CENPC: variants seen among roughly 807,000 people sequenced by gnomAD.
The protein encoded by CENPC is CENP-C 1.
CENPC carries 63 observed loss-of-function variants against 112.1 expected under a neutral mutation model. The observed-to-expected ratio is 0.56, with a 90% CI of 0.46 to 0.69. The LOEUF (loss-of-function observed/expected upper bound fraction) is 0.69. CENPC is among the 30% of genes least tolerant of loss of function. The pLI is 0.00. For synonymous variants in CENPC, 333 were observed against 367.6 expected (o/e 0.91, Z 1.08); for missense variants, 1,000 against 1,103.8 (o/e 0.91, Z 1.33).
intron 2 of CENPC, among the ~76,000 whole-genome samples, chr4:67,542,130 T>C (rs549082930): frequency 2.6e-5 from 4 of 152,314 alleles, no homozygotes; most frequent in African/African-American, 9.6e-5. Flanking sequence ...AAAATTGACA[T>C]GCATCTCTAA....
Position 67,491,454 on chromosome 4 carries a change from T to G in CENPC, c.2515+726A>C, listed in dbSNP as rs1356021316. On this transcript the variant is annotated intron_variant, in intron 16 of 18. Coordinates refer to ENST00000273853, the MANE Select transcript of CENPC (RefSeq NM_001812.4). ...AATATATTTAAATATTTCATATATA[T>G]ATATATATATATATATATATATATA... Among the ~76,000 whole-genome samples, 186 of 29,634 alleles carry G rather than the reference T, an allele frequency of 6.3e-3. 5 individuals are homozygous for G. Among genetic ancestry groups the G allele is most frequent in the South Asian group, 0.02 (15 of 768 alleles). 19.4% of individuals were successfully genotyped at this position (29,634 alleles called of 152,430 possible).
At chr4:67,503,113 A>T (rs1358238849) in intron 12 of CENPC, among the ~76,000 whole-genome samples, 1 of 152,102 alleles carries the variant, frequency 6.6e-6, no homozygotes, top group African/African-American at 2.4e-5. Context: ...ATGGCTTCCC[A>T]TCGCTCTTAG....
rs765726374 is a variant in CENPC, at chr4:67,470,191, G to C, written c.*2414C>G. 6.6e-6 allele frequency: 1 copy of C among 152,162 alleles called. No homozygotes were observed. Among genetic ancestry groups the C allele is most frequent in the African/African-American group, 2.4e-5 (1 of 41,426 alleles). The allele number at this position is 152,162 out of a possible 1,614,324, so 9.4% of individuals were successfully genotyped here. ...AAGCCTATGAGCTGAACAGAGTACA[G>C]AGGTGGCAAAAATCAGACGTGGCTC... On this transcript the variant is annotated 3_prime_UTR_variant, in exon 19 of 19. Coordinates refer to ENST00000273853, the MANE Select transcript of CENPC (RefSeq NM_001812.4).
Position 67,493,987 on chromosome 4 carries a change from T to C in CENPC, c.2187A>G (p.Val729=), listed in dbSNP as rs1396600155. 1 of 1,603,618 alleles carries C rather than the reference T, an allele frequency of 6.2e-7. No individual in the cohort carries two copies. Among genetic ancestry groups the C allele is most frequent in the Non-Finnish European group, 8.5e-7 (1 of 1,174,032 alleles). The stretch of plus-strand genomic sequence containing the variant: ...GAACATTTGGTGTGTTGGAGGGCAA[T>C]ACTATAAAAAGATGTCAGACAAAAG... ...IPKNRIHHKL[V]LPSNTPNVRR... The change falls in exon 14 of 19, where the codon GTA becomes GTG. Residue 729 remains valine (V), a splice_region_variant and synonymous_variant. Coordinates refer to ENST00000273853, the MANE Select transcript of CENPC (RefSeq NM_001812.4).
At chr4:67,483,724 G>A (rs554512789) in intron 17 of CENPC, among the ~76,000 whole-genome samples, 11 of 152,060 alleles carry the variant, frequency 7.2e-5, no homozygotes, top group African/African-American at 2.7e-4. Flanking sequence ...CTAATCTTGT[G>A]TAGCCCAAGG....
At position 67,519,327 on chromosome 4, in the gene CENPC, T is replaced by C; in HGVS notation, c.507A>G (p.Val169=). Reference sequence around the variant, plus strand: ...CACTAGATGGAATAACATTTTGTGATACAGATGTTTTTGCATCCAAAAGAA... The same window carrying C: ...CACTAGATGGAATAACATTTTGTGACACAGATGTTTTTGCATCCAAAAGAA... The part of the protein sequence containing the change: ...PSVLLDAKTS[V]SQNVIPSSAQ... The change falls in exon 6 of 19, where the codon GTA becomes GTG. Residue 169 remains valine (V), a synonymous_variant. Transcript: ENST00000273853. 3 of 1,612,918 alleles carry C rather than the reference T, an allele frequency of 1.9e-6. No individual in the cohort carries two copies. The South Asian group carries it at 3.3e-5, about 18-fold the overall frequency.
chr4:67,508,843 C>G lies in CENPC; in HGVS notation c.1875G>C (p.Leu625Phe), dbSNP rs955113985. The change falls in exon 10 of 19, where the codon TTG (leucine) becomes TTC (phenylalanine). Residue 625 changes from leucine to phenylalanine, a missense_variant. Transcript: ENST00000273853. ...AACAATCAAGATTTTTCTTCTTAGC[C>G]AAGTCTGCCTCATCACTTTCCAATG... ...SEPLESDEADLAKKKNLDCSR... is the reference protein window; with the variant it reads ...SEPLESDEADFAKKKNLDCSR... The G allele has an allele frequency of 6.2e-7, 1 of 1,613,220 alleles. No individual in the cohort carries two copies. Among genetic ancestry groups the G allele is most frequent in the African/African-American group, 1.3e-5 (1 of 74,854 alleles).
intron 4 of CENPC, among the ~76,000 whole-genome samples, chr4:67,532,101 C>G (rs935717275): frequency 4.6e-5 from 7 of 152,192 alleles, no homozygotes; most frequent in Admixed American, 1.3e-4. Flanking sequence ...TGAACAGACA[C>G]TTCTCAAAAG....
rs1156751536 is a variant in CENPC, at chr4:67,508,896, C to A, written c.1822G>T (p.Glu608Ter). ...TCACTCAGCGAACATCTGGAAATTT[C>A]ATCATGACCAACGATACCTCCAGAA... is the stretch of plus-strand genomic sequence containing the variant. ...EGSGGIVGHD[E>*]ISRCSLSEPL... The change falls in exon 10 of 19, where the codon GAA (glutamate) becomes TAA (stop). Residue 608 changes from glutamate (E) to a stop codon, truncating the protein, a stop_gained. Transcript: ENST00000273853. LOFTEE classifies it high-confidence loss of function. The A allele has an allele frequency of 6.2e-7, 1 of 1,613,720 alleles. No individual in the cohort carries two copies. The highest frequency in any genetic ancestry group is 1.1e-5 in the South Asian group (1 of 91,078).
intron 17 of CENPC, among the ~76,000 whole-genome samples, chr4:67,486,014 A>G (rs1725084471): frequency 2.0e-5 from 3 of 152,206 alleles, no homozygotes; most frequent in Non-Finnish European, 1.5e-5. Flanking sequence ...AGGTATTTTT[A>G]TAACTTAATA....
At chr4:67,521,606 T>C (rs890728416) in intron 5 of CENPC, among the ~76,000 whole-genome samples, 4 of 152,220 alleles carry the variant, frequency 2.6e-5, no homozygotes, top group African/African-American at 9.6e-5. Context: ...TGACAGTCAC[T>C]ATGAAAAGTG....
At chr4:67,513,436 T>G (rs1173415866) in intron 8 of CENPC, among the ~76,000 whole-genome samples, 1 of 152,208 alleles carries the variant, frequency 6.6e-6, no homozygotes, top group Non-Finnish European at 1.5e-5. Context: ...ATATAGCAGG[T>G]ACTCAGAAAA....
intron 5 of CENPC, among the ~76,000 whole-genome samples, chr4:67,529,035 C>T (rs531775786): frequency 6.6e-6 from 1 of 152,128 alleles, no homozygotes; most frequent in East Asian, 1.9e-4. Flanking sequence ...GTGGTATCTC[C>T]CTAGGGTCTT....
chr4:67,473,563 T>G (rs2109756102), intron 18 of CENPC, among the ~76,000 whole-genome samples: 1 of 152,282 alleles, frequency 6.6e-6, no homozygotes, highest in South Asian at 2.1e-4. Flanking sequence ...TGTTTTGTTT[T>G]TGTTTTTGAG....
At chr4:67,507,550 A>C (rs1029515436) in intron 10 of CENPC, among the ~76,000 whole-genome samples, 1 of 152,194 alleles carries the variant, frequency 6.6e-6, no homozygotes, top group Non-Finnish European at 1.5e-5. Context: ...AAAGACACAA[A>C]TTATCAAAAT....
At position 67,519,449 on chromosome 4, in the gene CENPC, T is replaced by C. The variant is rs778946720; in HGVS notation, c.385A>G (p.Asn129Asp). ...KILATDVSSKNTPDSKKISSR... is the reference protein window; with the variant it reads ...KILATDVSSKDTPDSKKISSR... ...GATATTTTTTTCGAGTCAGGTGTATTTTTGGAACTAACATCAGTTGCCAGA... is the reference window on the plus strand; with the variant it reads ...GATATTTTTTTCGAGTCAGGTGTATCTTTGGAACTAACATCAGTTGCCAGA... The change falls in exon 6 of 19, where the codon AAT becomes GAT. Residue 129 changes from asparagine (N) to aspartate (D), a missense_variant. Transcript: ENST00000273853. 7.5e-6 allele frequency: 12 copies of C among 1,607,210 alleles called. No individual in the cohort carries two copies. In the East Asian group the frequency reaches 2.2e-4, roughly 30 times the overall value.
intron 17 of CENPC, among the ~76,000 whole-genome samples, chr4:67,488,467 A>G (rs1380892265): frequency 2.0e-5 from 3 of 152,014 alleles, no homozygotes; most frequent in African/African-American, 7.2e-5. Context: ...CTTCCCTGGG[A>G]AAAATTTCTA....
chr4:67,476,064 CAT>C (rs1317974844), intron 17 of CENPC, among the ~76,000 whole-genome samples: 7 of 152,182 alleles, frequency 4.6e-5, no homozygotes, highest in Non-Finnish European at 1.0e-4. Flanking sequence ...GCATTACTCA[CAT>C]GTTTGTGGTG....
Position 67,519,324 on chromosome 4 carries a change from T to C in CENPC, c.510A>G (p.Ser170=), listed in dbSNP as rs759895980. The C allele has an allele frequency of 5.6e-6, 9 of 1,612,734 alleles. No homozygotes were observed. In the South Asian group the frequency reaches 8.8e-5, roughly 16 times the overall value. The change falls in exon 6 of 19, where the codon TCA becomes TCG. Residue 170 remains serine (S), a synonymous_variant. Coordinates refer to ENST00000273853, the MANE Select transcript of CENPC (RefSeq NM_001812.4). ...GGGCACTAGATGGAATAACATTTTGTGATACAGATGTTTTTGCATCCAAAA... is the reference window on the plus strand; with the variant it reads ...GGGCACTAGATGGAATAACATTTTGCGATACAGATGTTTTTGCATCCAAAA... ...SVLLDAKTSV[S]QNVIPSSAQK...
Sources: gnomAD v4.1 joint callset for allele counts (sites outside exome capture counted in the v4.1 genomes callset) on GRCh38, gnomAD v4.1.1 for gene constraint, MANE v1.5 for transcripts, NCBI Gene and HGNC (gene_info 2026-07-23, HGNC 2026-07-21) for gene names.